LDLRAD4: variants seen among roughly 807,000 people sequenced by gnomAD.
LDLRAD4 encodes low density lipoprotein receptor class A domain containing 4.
LDLRAD4 carries 5 observed loss-of-function variants against 17.0 expected under a neutral mutation model. That is an observed-to-expected ratio of 0.29 (90% CI 0.15 to 0.62). The LOEUF is 0.62. LDLRAD4 is among the 20% of genes least tolerant of loss of function. The pLI is 0.84. For synonymous variants in LDLRAD4, 168 were observed against 171.8 expected (o/e 0.98, Z 0.17); for missense variants, 340 against 424.7 (o/e 0.80, Z 1.75).
At chr18:13,345,672 T>C (rs1485473215) in intron 1 of LDLRAD4, among the ~76,000 whole-genome samples, 1 of 152,214 alleles carries the variant, frequency 6.6e-6, no homozygotes, top group African/African-American at 2.4e-5. Context: ...AGCTCCTCCT[T>C]GTACCTCTGG....
chr18:13,410,210 C>T (rs1045614929), intron 2 of LDLRAD4, among the ~76,000 whole-genome samples: 10 of 151,858 alleles, frequency 6.6e-5, no homozygotes, highest in Admixed American at 5.9e-4. Flanking sequence ...GGGACAAACA[C>T]ACCACAGGCT....
At chr18:13,434,597 G>A (rs2090539726) in intron 2 of LDLRAD4, among the ~76,000 whole-genome samples, 1 of 152,138 alleles carries the variant, frequency 6.6e-6, no homozygotes, top group South Asian at 2.1e-4. Context: ...TCTCTGACTT[G>A]AGTTTTACTT....
intron 3 of LDLRAD4, chr18:13,489,502 G>T (rs2093314967): frequency 6.6e-6 from 1 of 152,270 alleles, no homozygotes; most frequent in East Asian, 1.9e-4. Flanking sequence ...AACTGTCATG[G>T]TGTTGGTGGT....
At chr18:13,236,562 C>G (rs2042349844) in intron 1 of LDLRAD4, 1 of 152,274 alleles carries the variant, frequency 6.6e-6, no homozygotes, top group Non-Finnish European at 1.5e-5. Flanking sequence ...GTGATCCGCC[C>G]TCCTTGGCCT....
chr18:13,404,293 C>T (rs1178501475), intron 2 of LDLRAD4, among the ~76,000 whole-genome samples: 2 of 152,164 alleles, frequency 1.3e-5, no homozygotes, highest in Non-Finnish European at 2.9e-5. Context: ...TTCCCCTGCC[C>T]CTGAACAGGC....
chr18:13,225,080 C>A (rs184685363), intron 1 of LDLRAD4, among the ~76,000 whole-genome samples: 176 of 152,296 alleles, frequency 1.2e-3, no homozygotes, highest in Admixed American at 3.4e-3. Context: ...AAGTGATCCG[C>A]CCGCCTCAGC....
intron 3 of LDLRAD4, among the ~76,000 whole-genome samples, chr18:13,548,655 C>T (rs1217509157): frequency 6.6e-6 from 1 of 152,222 alleles, no homozygotes; most frequent in Non-Finnish European, 1.5e-5. Flanking sequence ...GTTTCTGGGC[C>T]TCCAAGAGTC....
chr18:13,590,075 GTGTGCA>G (rs1366933673), intron 3 of LDLRAD4, among the ~76,000 whole-genome samples: 1 of 151,340 alleles, frequency 6.6e-6, no homozygotes. Flanking sequence ...ATGTGTGTGG[GTGTGCA>G]TGTGTGGGTG....
At chr18:13,283,892 A>G (rs2045443107) in intron 1 of LDLRAD4, among the ~76,000 whole-genome samples, 2 of 152,204 alleles carry the variant, frequency 1.3e-5, no homozygotes, top group East Asian at 1.9e-4. Context: ...GGCTGAGGGC[A>G]AAAGGCACTT....
intron 3 of LDLRAD4, among the ~76,000 whole-genome samples, chr18:13,578,929 G>A (rs925711280): frequency 1.4e-5 from 2 of 141,382 alleles, no homozygotes; most frequent in South Asian, 4.5e-4. Context: ...AGTGGCTCAC[G>A]CCTATAATCC....
intron 1 of LDLRAD4, among the ~76,000 whole-genome samples, chr18:13,359,018 A>G (rs1390500172): frequency 6.6e-6 from 1 of 152,248 alleles, no homozygotes; most frequent in Non-Finnish European, 1.5e-5. Context: ...CAGTAATATC[A>G]GGCGGCTGAA....
chr18:13,495,598 A>G (rs2093452100), intron 3 of LDLRAD4, among the ~76,000 whole-genome samples: 1 of 152,224 alleles, frequency 6.6e-6, no homozygotes, highest in South Asian at 2.1e-4. Context: ...AAATACACTG[A>G]GGATTCTGAA....
intron 1 of LDLRAD4, among the ~76,000 whole-genome samples, chr18:13,344,235 A>C (rs2082546966): frequency 6.6e-6 from 1 of 152,174 alleles, no homozygotes; most frequent in Non-Finnish European, 1.5e-5. Flanking sequence ...TTAAGTGTTT[A>C]TTCCATCTTG....
At chr18:13,298,161 G>C (rs539654384) in intron 1 of LDLRAD4, among the ~76,000 whole-genome samples, 1 of 152,230 alleles carries the variant, frequency 6.6e-6, no homozygotes, top group Non-Finnish European at 1.5e-5. Context: ...TGCACAAGCT[G>C]GGGGTGGGGA....
intron 1 of LDLRAD4, among the ~76,000 whole-genome samples, chr18:13,247,611 C>G (rs759735116): frequency 1.3e-5 from 2 of 152,102 alleles, no homozygotes; most frequent in South Asian, 4.2e-4. Context: ...AGCCATGTTC[C>G]GCTTGTCGTG....
At chr18:13,617,104 C>CTTT (rs74886341) in intron 3 of LDLRAD4, among the ~76,000 whole-genome samples, 1 of 143,382 alleles carries the variant, frequency 7.0e-6, no homozygotes, top group Non-Finnish European at 1.5e-5. Context: ...GGGGCCTTTA[C>CTTT]TTTTTTTTTT....
chr18:13,248,413 C>A (rs1178685206), intron 1 of LDLRAD4, among the ~76,000 whole-genome samples: 1 of 152,228 alleles, frequency 6.6e-6, no homozygotes, highest in Admixed American at 6.5e-5. Flanking sequence ...TTTGCCCTGG[C>A]AGAGCTTTCT....
At chr18:13,620,638 G>A (rs1421759808) in intron 3 of LDLRAD4, among the ~76,000 whole-genome samples, 1 of 152,230 alleles carries the variant, frequency 6.6e-6, no homozygotes, top group Non-Finnish European at 1.5e-5. Context: ...ACCCAGGGGA[G>A]ACCTGACCAC....
rs1012381020 is a variant in LDLRAD4 at position 13,405,397 on chromosome 18, A to G, written c.40+17635A>G. ...GTGTGATCTTAAAATGGAGAATGTA[A>G]ACTACAAGTTCGTTGCCACCATTTT... is the stretch of plus-strand genomic sequence containing the variant. On this transcript the variant is annotated intron_variant, in intron 2 of 5. Coordinates refer to ENST00000359446, the Ensembl canonical transcript of LDLRAD4. Among the ~76,000 whole-genome samples, 15 of 152,040 alleles carry G rather than the reference A, an allele frequency of 9.9e-5. No homozygotes were observed. In the South Asian group the frequency reaches 1.9e-3, roughly 19 times the overall value.
Sources: gnomAD v4.1 joint callset for allele counts (sites outside exome capture counted in the v4.1 genomes callset) on GRCh38, gnomAD v4.1.1 for gene constraint, MANE v1.5 for transcripts, NCBI Gene and HGNC (gene_info 2026-07-23, HGNC 2026-07-21) for gene names.